The following ADAM22 variants were observed in gnomAD, a reference collection of about 807,000 sequenced individuals.
ADAM22 encodes ADAM metallopeptidase domain 22.
ADAM22 carries 65 observed loss-of-function variants against 144.6 expected under a neutral mutation model. That is an observed-to-expected ratio of 0.45 (90% CI 0.37 to 0.55). The LOEUF (loss-of-function observed/expected upper bound fraction) is 0.55, where lower values mean the gene tolerates loss of function less well. Among genes scored for constraint, ADAM22 ranks in the 20% least tolerant of loss-of-function variants. The pLI, the probability that ADAM22 is intolerant of heterozygous loss-of-function variation, is 0.00. For missense variants in ADAM22, 974 were observed against 1,184.9 expected (o/e 0.82, Z 2.61); for synonymous variants, 391 against 412.6 (o/e 0.95, Z 0.63).
intron 3 of ADAM22, among the ~76,000 whole-genome samples, chr7:87,998,265 C>T (rs1791707513): frequency 6.6e-6 from 1 of 152,200 alleles, no homozygotes; most frequent in Non-Finnish European, 1.5e-5. Flanking sequence ...CCTTTGGCAA[C>T]ACCCTTACAG....
At chr7:88,182,591 C>G (rs1165469823) in intron 29 of ADAM22, among the ~76,000 whole-genome samples, 2 of 152,142 alleles carry the variant, frequency 1.3e-5, no homozygotes, top group South Asian at 4.1e-4. Context: ...GAATCATTGT[C>G]ACTAAATGCA....
intron 3 of ADAM22, among the ~76,000 whole-genome samples, chr7:88,039,366 C>T (rs955296566): frequency 1.6e-4 from 23 of 146,800 alleles, no homozygotes; most frequent in African/African-American, 3.5e-4. Flanking sequence ...TCACTTGAAC[C>T]GGGAGGCGGC....
chr7:88,166,106 A>G (rs562498128), intron 24 of ADAM22, among the ~76,000 whole-genome samples, 160 bp downstream of exon 24: 1 of 152,272 alleles, frequency 6.6e-6, no homozygotes, highest in Non-Finnish European at 1.5e-5. Flanking sequence ...GATTATGTCC[A>G]TTAAATTGTA....
In ADAM22 at chr7:88,113,699, A is replaced by AATAAATAAATAT. The variant is rs1826766808; in HGVS notation, c.474-878_474-877insAATATATAAATA. On this transcript the variant is annotated intron_variant, in intron 5 of 31. Transcript: ENST00000413139. Reference sequence around the variant, plus strand: ...ATAATATATATATTATAAATAAATAAATAAATATATATATATATATATATA... The same window carrying AATAAATAAATAT: ...ATAATATATATATTATAAATAAATAAATAAATAAATATATAAATATATATATATATATATATA... Among the ~76,000 whole-genome samples the AATAAATAAATAT allele has an allele frequency of 5.1e-5, 2 of 39,462 alleles. 1 individual carries two copies. The highest frequency in any genetic ancestry group is 8.9e-5 in the Non-Finnish European group (2 of 22,402). 25.9% of individuals were successfully genotyped at this position (39,462 alleles called of 152,430 possible). A position where few individuals can be genotyped will look rare whatever the true frequency, so the allele number is the denominator to read the frequency against.
intron 4 of ADAM22, among the ~76,000 whole-genome samples, chr7:88,084,997 T>C (rs1395339925): frequency 6.6e-6 from 1 of 152,190 alleles, no homozygotes; most frequent in Non-Finnish European, 1.5e-5. Context: ...TGTGAGAACA[T>C]CATTCCTATT....
intron 2 of ADAM22, among the ~76,000 whole-genome samples, chr7:87,957,861 G>T (rs968386173): frequency 1.3e-5 from 2 of 152,146 alleles, no homozygotes; most frequent in East Asian, 3.8e-4. Flanking sequence ...GGGATTACAG[G>T]CATGAGCCAC....
At chr7:88,109,501 A>C (rs954105140) in intron 5 of ADAM22, among the ~76,000 whole-genome samples, 6 of 152,050 alleles carry the variant, frequency 3.9e-5, no homozygotes, top group African/African-American at 7.2e-5. Flanking sequence ...AATTTTGTTA[A>C]ATTTTCGTTG....
intron 3 of ADAM22, among the ~76,000 whole-genome samples, chr7:88,067,028 G>T (rs1411271544): frequency 6.6e-6 from 1 of 152,070 alleles, no homozygotes; most frequent in African/African-American, 2.4e-5. Flanking sequence ...TCAACATTAA[G>T]TGCCCAAAAT....
Position 88,112,024 on chromosome 7 carries a change from G to A in ADAM22, c.474-2560G>A, listed in dbSNP as rs143086485. Among the ~76,000 whole-genome samples, 548 of 152,236 alleles carry A rather than the reference G, an allele frequency of 3.6e-3. 5 individuals carry two copies. Among genetic ancestry groups the A allele is most frequent in the African/African-American group, 0.012 (510 of 41,532 alleles). On this transcript the variant is annotated intron_variant, in intron 5 of 31. Transcript: ENST00000413139. ...CTTGCTACTTTGTTGGTGTTGCCAC[G>A]TGAATTTTGGCAAACTATGATGGTT...
chr7:88,142,961 T>G, intron 14 of ADAM22, 65 bp from the exon 15 acceptor site: 1 of 1,012,336 alleles, frequency 9.9e-7, no homozygotes, highest in Non-Finnish European at 1.5e-6. Flanking sequence ...AGTCTTCAGT[T>G]TTCAGACATT....
At chr7:88,095,907 A>C (rs1821132504) in intron 4 of ADAM22, among the ~76,000 whole-genome samples, 1 of 151,078 alleles carries the variant, frequency 6.6e-6, no homozygotes, top group African/African-American at 2.4e-5. Flanking sequence ...TTTTTTGTAA[A>C]TACTCTCTCC....
At chr7:87,936,732 A>C (rs1584418628) in intron 2 of ADAM22, among the ~76,000 whole-genome samples, 1 of 152,174 alleles carries the variant, frequency 6.6e-6, no homozygotes, top group Non-Finnish European at 1.5e-5. Context: ...CTGTATTTTC[A>C]AAAATTAGGA....
intron 2 of ADAM22, among the ~76,000 whole-genome samples, chr7:87,970,944 C>A (rs904207522): frequency 3.9e-5 from 6 of 152,120 alleles, no homozygotes; most frequent in Non-Finnish European, 7.4e-5. Flanking sequence ...TCCCTTGAAT[C>A]TTTTGTTTCA....
At chr7:88,082,504 A>T (rs1426994290) in intron 4 of ADAM22, among the ~76,000 whole-genome samples, 1 of 152,202 alleles carries the variant, frequency 6.6e-6, no homozygotes, top group Non-Finnish European at 1.5e-5. Flanking sequence ...AATTAAACTA[A>T]AGAGCTTCTG....
chr7:87,942,914 T>C (rs888270721), intron 2 of ADAM22, among the ~76,000 whole-genome samples: 1 of 152,078 alleles, frequency 6.6e-6, no homozygotes, highest in Non-Finnish European at 1.5e-5. Context: ...CAAAGTATCT[T>C]TTATGCCTTC....
chr7:88,188,654 C>G (rs1353032025), intron 30 of ADAM22, among the ~76,000 whole-genome samples: 2 of 152,116 alleles, frequency 1.3e-5, no homozygotes, highest in Non-Finnish European at 2.9e-5. Context: ...TGAGATGGCC[C>G]AGAACGTTTA....
chr7:87,980,309 C>A (rs1179215751), intron 3 of ADAM22, among the ~76,000 whole-genome samples: 1 of 29,596 alleles, frequency 3.4e-5, no homozygotes. Context: ...TGCCTGGGAT[C>A]GATGTTAAAC....
chr7:88,120,501 G>A (rs578252776), intron 7 of ADAM22, among the ~76,000 whole-genome samples: 1 of 152,228 alleles, frequency 6.6e-6, no homozygotes, highest in South Asian at 2.1e-4. Flanking sequence ...ACCAACATTT[G>A]CTCTGTCATT....
chr7:88,051,658 A>G (rs1232303610), intron 3 of ADAM22, among the ~76,000 whole-genome samples: 1 of 152,096 alleles, frequency 6.6e-6, no homozygotes, highest in African/African-American at 2.4e-5. Flanking sequence ...TATGTAACAA[A>G]CCTGCACATT....
Sources: gnomAD v4.1 joint callset for allele counts (sites outside exome capture counted in the v4.1 genomes callset) on GRCh38, gnomAD v4.1.1 for gene constraint, MANE v1.5 for transcripts, NCBI Gene and HGNC (gene_info 2026-07-23, HGNC 2026-07-21) for gene names.